The following STAG1 variants were observed in gnomAD, a reference collection of about 807,000 sequenced individuals.
The protein encoded by STAG1 is STAG1 cohesin complex component.
A neutral mutation model predicts 170.9 loss-of-function variants in STAG1; 26 were observed. The ratio of observed to expected loss-of-function variants is 0.15; its 90% confidence interval spans 0.11 to 0.21. The LOEUF is 0.21. STAG1 is among the 10% of genes least tolerant of loss of function. The pLI, the probability that STAG1 is intolerant of heterozygous loss-of-function variation, is 1.00. For synonymous variants in STAG1, 514 were observed against 497.7 expected (o/e 1.03, Z -0.44); for missense variants, 964 against 1,509.5 (o/e 0.64, Z 5.99).
chr3:136,619,043 AGAG>A (rs1397530142), intron 3 of STAG1, among the ~76,000 whole-genome samples: 4 of 152,148 alleles, frequency 2.6e-5, no homozygotes, highest in Admixed American at 6.6e-5. Flanking sequence ...GTACATACAT[AGAG>A]GAGAAGACAG....
intron 23 of STAG1, among the ~76,000 whole-genome samples, chr3:136,371,276 T>A (rs1282166633): frequency 2.4e-4 from 36 of 152,354 alleles, no homozygotes; most frequent in Admixed American, 2.4e-3. Context: ...GATAAGTAGG[T>A]TGCAAAAATT....
chr3:136,511,714 G>A (rs1161973215), intron 7 of STAG1, among the ~76,000 whole-genome samples: 2 of 152,044 alleles, frequency 1.3e-5, no homozygotes, highest in Non-Finnish European at 2.9e-5. Flanking sequence ...TTAATACCTG[G>A]GTGACAAAAT....
At chr3:136,615,894 A>G (rs1292087427) in intron 3 of STAG1, among the ~76,000 whole-genome samples, 1 of 152,214 alleles carries the variant, frequency 6.6e-6, no homozygotes, top group Non-Finnish European at 1.5e-5. Context: ...ACAGCTGCCA[A>G]TAAAGTAAGC....
At chr3:136,587,369 G>C (rs1381325677) in intron 4 of STAG1, among the ~76,000 whole-genome samples, 3 of 151,802 alleles carry the variant, frequency 2.0e-5, no homozygotes, top group Non-Finnish European at 4.4e-5. Context: ...GTGAAACCCT[G>C]TCTCAACTAG....
intron 9 of STAG1, among the ~76,000 whole-genome samples, chr3:136,487,931 GTGA>G (rs1409406019): frequency 1.3e-5 from 2 of 152,176 alleles, no homozygotes; most frequent in East Asian, 3.9e-4. Flanking sequence ...AAAGCTCCAT[GTGA>G]TGAGTAACTA....
intron 5 of STAG1, among the ~76,000 whole-genome samples, chr3:136,542,666 T>C (rs1576588414): frequency 8.6e-6 from 1 of 116,238 alleles, no homozygotes; most frequent in Non-Finnish European, 1.9e-5. Context: ...GCACTGTTTG[T>C]AATAAAAAAA....
intron 13 of STAG1, among the ~76,000 whole-genome samples, chr3:136,456,414 GGAAA>G (rs2089113626): frequency 6.6e-6 from 1 of 152,078 alleles, no homozygotes; most frequent in African/African-American, 2.4e-5. Context: ...ACCAAACAGA[GGAAA>G]GAATTAGTAA....
intron 9 of STAG1, among the ~76,000 whole-genome samples, chr3:136,478,116 A>G (rs2089804890): frequency 6.6e-6 from 1 of 152,144 alleles, no homozygotes; most frequent in South Asian, 2.1e-4. Flanking sequence ...ATAAGCTAGC[A>G]CACATGTAAT....
At chr3:136,718,809 C>T (rs928433635) in intron 1 of STAG1, among the ~76,000 whole-genome samples, 1 of 151,992 alleles carries the variant, frequency 6.6e-6, no homozygotes, top group Non-Finnish European at 1.5e-5. Flanking sequence ...GGCCTGTAAT[C>T]CCAGCTACTC....
At chr3:136,597,528 C>A (rs1034138706) in intron 4 of STAG1, among the ~76,000 whole-genome samples, 2 of 152,032 alleles carry the variant, frequency 1.3e-5, no homozygotes, top group African/African-American at 4.8e-5. Flanking sequence ...TCTGTTCCAC[C>A]CAAATTTTTT....
intron 7 of STAG1, among the ~76,000 whole-genome samples, chr3:136,515,902 T>C (rs1934350222): frequency 6.6e-6 from 1 of 151,992 alleles, no homozygotes; most frequent in Non-Finnish European, 1.5e-5. Flanking sequence ...CCTAGAAAAT[T>C]GAATAAAGAT....
chr3:136,381,562 C>A (rs936035312), intron 22 of STAG1, among the ~76,000 whole-genome samples: 7 of 151,774 alleles, frequency 4.6e-5, no homozygotes, highest in African/African-American at 1.7e-4. Context: ...CTGCAGTAAG[C>A]TGAAAGGAAG....
Position 136,338,234 on chromosome 3 carries a change from T to C in STAG1, c.*20A>G, listed in dbSNP as rs745886329. On this transcript the variant is annotated 3_prime_UTR_variant, in exon 34 of 34. Coordinates refer to ENST00000383202, the MANE Select transcript of STAG1 (RefSeq NM_005862.3). ...AGCTCTAAATAATAGAGTTCCAGAT[T>C]TGTAAATTTTCTTCAGACTTCAGAA... 6.3e-7 allele frequency: 1 copy of C among 1,575,232 alleles called. No individual in the cohort carries two copies. Among genetic ancestry groups the C allele is most frequent in the Non-Finnish European group, 8.7e-7 (1 of 1,147,222 alleles).
In STAG1 at chr3:136,492,492, T is replaced by C. The variant is rs1003577782; in HGVS notation, c.902+7731A>G. On this transcript the variant is annotated intron_variant, in intron 9 of 33. Transcript: ENST00000383202. ...TCAAGACTGCATGACGGAGCCAAGATGGACAGAATTTATGCTCTCACTTGA... is the reference window on the plus strand; with the variant it reads ...TCAAGACTGCATGACGGAGCCAAGACGGACAGAATTTATGCTCTCACTTGA... 3.3e-5 allele frequency among the ~76,000 whole-genome samples: 5 copies of C among 152,286 alleles called. No individual in the cohort carries two copies. The East Asian group carries it at 9.6e-4, about 29-fold the overall frequency.
intron 4 of STAG1, among the ~76,000 whole-genome samples, chr3:136,577,341 T>C (rs1559888360): frequency 6.6e-6 from 1 of 152,200 alleles, no homozygotes; most frequent in Non-Finnish European, 1.5e-5. Flanking sequence ...AATCTAATTG[T>C]ATCAGAGGCA....
rs1181101400 is a variant in STAG1, at chr3:136,635,036, T to TA, written c.-83-4056dup. Among the ~76,000 whole-genome samples the TA allele has an allele frequency of 2.6e-5, 4 of 152,322 alleles. No homozygotes were observed. The East Asian group carries it at 7.7e-4, about 29-fold the overall frequency. On this transcript the variant is annotated intron_variant, in intron 1 of 33. Coordinates refer to ENST00000383202, the MANE Select transcript of STAG1 (RefSeq NM_005862.3). The stretch of plus-strand genomic sequence containing the variant: ...AGAAAAGCCCAGGACCAGATGGCCT[T>TA]ACTGCTTAATTATACCAAACATGGT...
intron 1 of STAG1, among the ~76,000 whole-genome samples, chr3:136,683,351 C>T (rs1318768013): frequency 2.0e-5 from 3 of 151,802 alleles, no homozygotes; most frequent in African/African-American, 7.3e-5. Context: ...GCCACCTTTT[C>T]CTCCTGGGTT....
intron 23 of STAG1, among the ~76,000 whole-genome samples, chr3:136,376,665 T>A (rs1286141455): frequency 6.6e-6 from 1 of 152,116 alleles, no homozygotes; most frequent in African/African-American, 2.4e-5. Context: ...TTTCAAGATG[T>A]GGGGCTAAAG....
intron 1 of STAG1, among the ~76,000 whole-genome samples, chr3:136,644,031 T>C (rs1200956910): frequency 6.6e-6 from 1 of 152,174 alleles, no homozygotes; most frequent in Admixed American, 6.5e-5. Flanking sequence ...GTACAGACCA[T>C]AATCATGTTG....
Sources: gnomAD v4.1 joint callset for allele counts (sites outside exome capture counted in the v4.1 genomes callset) on GRCh38, gnomAD v4.1.1 for gene constraint, MANE v1.5 for transcripts, NCBI Gene and HGNC (gene_info 2026-07-23, HGNC 2026-07-21) for gene names.